The following FBN3 variants were observed in gnomAD, a reference collection of about 807,000 sequenced individuals.
FBN3 encodes fibrillin 3, also known as fibrillin-3.
In FBN3, 234 loss-of-function variants were observed where a neutral mutation model predicts 330.1. The observed-to-expected ratio is 0.71, with a 90% confidence interval of 0.64 to 0.79. The LOEUF (loss-of-function observed/expected upper bound fraction) is 0.79, where lower values mean the gene tolerates loss of function less well. FBN3 is among the 30% of genes least tolerant of loss of function. The pLI is 0.00. For missense variants in FBN3, 3,606 were observed against 3,886.9 expected (o/e 0.93, Z 1.92); for synonymous variants, 1,458 against 1,517.3 (o/e 0.96, Z 0.91).
intron 30 of FBN3, among the ~76,000 whole-genome samples, chr19:8,112,359 C>T (rs1041397653): frequency 6.6e-6 from 1 of 152,102 alleles, no homozygotes; most frequent in Non-Finnish European, 1.5e-5. Flanking sequence ...TTAAGAGTGA[C>T]TGTCCAGCCG....
intron 8 of FBN3, among the ~76,000 whole-genome samples, chr19:8,138,967 T>A (rs1193267062): frequency 6.8e-6 from 1 of 147,902 alleles, no homozygotes; most frequent in Non-Finnish European, 1.5e-5. Context: ...GAATCACTAA[T>A]TGCTTGAACC....
At chr19:8,071,954 T>G in intron 63 of FBN3, 94 bp downstream of exon 63, 1 of 1,298,702 alleles carries the variant, frequency 7.7e-7, no homozygotes, top group South Asian at 1.4e-5. Context: ...TGCTCCTTCT[T>G]GGGGGGGCTG....
intron 13 of FBN3, 136 bp downstream of exon 13, chr19:8,135,825 C>A: frequency 1.1e-6 from 1 of 912,446 alleles, no homozygotes; most frequent in African/African-American, 1.7e-5. Context: ...AGGTGGGCTG[C>A]TGGGTTCAGA....
At chr19:8,079,810 G>A (rs1197725185) in intron 59 of FBN3, among the ~76,000 whole-genome samples, 1 of 151,950 alleles carries the variant, frequency 6.6e-6, no homozygotes, top group East Asian at 1.9e-4. Context: ...GGCTGGTCTC[G>A]AATTCCTGGC....
At chr19:8,104,406 G>C (rs2082394903) in intron 38 of FBN3, among the ~76,000 whole-genome samples, 1 of 150,472 alleles carries the variant, frequency 6.6e-6, no homozygotes. Context: ...AGGAGGTCAA[G>C]ACTACAGCAA....
intron 8 of FBN3, among the ~76,000 whole-genome samples, chr19:8,140,389 C>T (rs754536936): frequency 6.6e-6 from 1 of 152,030 alleles, no homozygotes; most frequent in Non-Finnish European, 1.5e-5. Context: ...ACTTGAACCC[C>T]GGAGGCGGAG....
chr19:8,138,908 G>A (rs2083349787), intron 8 of FBN3, among the ~76,000 whole-genome samples: 1 of 152,154 alleles, frequency 6.6e-6, no homozygotes, highest in Non-Finnish European at 1.5e-5. Flanking sequence ...TTAGCCAAGG[G>A]TGGTGGCAGG....
At chr19:8,117,359 T>C (rs2144868225) in intron 27 of FBN3, 68 bp from the exon 28 acceptor site, 1 of 1,532,682 alleles carries the variant, frequency 6.5e-7, no homozygotes, top group Non-Finnish European at 8.8e-7. Context: ...GGGGGCTGGT[T>C]TGGGGGTGGG....
In FBN3 at chr19:8,096,176, C is replaced by A; in HGVS notation, c.5540-96G>T. 1.0e-6 allele frequency: 1 copy of A among 988,528 alleles called. No homozygotes were observed. Among genetic ancestry groups the A allele is most frequent in the East Asian group, 2.4e-5 (1 of 41,896 alleles). The allele number at this position is 988,528 out of a possible 1,614,324, so 61.2% of individuals were successfully genotyped here. A position where few individuals can be genotyped will look rare whatever the true frequency, so the allele number is the denominator to read the frequency against. On this transcript the variant is annotated intron_variant, in intron 44 of 63. Coordinates refer to ENST00000600128, the MANE Select transcript of FBN3 (RefSeq NM_032447.5). This position sits in a 1 kb window ranked among gnomAD's most constrained non-coding sequence, Gnocchi z 4.6. ...AGCTGGACCTAGCACTCCTCCCCTG[C>A]ACCTAGCCCTGCCTAGATGACTGGG...
At position 8,129,861 on chromosome 19, in the gene FBN3, C is replaced by A. The variant is rs911690357; in HGVS notation, c.2045-496G>T. Among the ~76,000 whole-genome samples the A allele has an allele frequency of 4.0e-5, 6 of 151,324 alleles. No individual in the cohort carries two copies. The highest frequency in any genetic ancestry group is 8.9e-5 in the Non-Finnish European group (6 of 67,778). On this transcript the variant is annotated intron_variant, in intron 16 of 63. Coordinates refer to ENST00000600128, the MANE Select transcript of FBN3 (RefSeq NM_032447.5). This position sits in a 1 kb window ranked among gnomAD's most constrained non-coding sequence, Gnocchi z 4.5. Reference sequence around the variant, plus strand: ...TTGCTTGAGCCCAGGAGTTTGAGACCAGCCTGGGCAACATAGCGAGACCCA... The same window carrying A: ...TTGCTTGAGCCCAGGAGTTTGAGACAAGCCTGGGCAACATAGCGAGACCCA...
At chr19:8,122,213 G>A (rs1345666305) in intron 24 of FBN3, among the ~76,000 whole-genome samples, 1 of 151,988 alleles carries the variant, frequency 6.6e-6, no homozygotes, top group African/African-American at 2.4e-5. Context: ...TGGAGGTCTC[G>A]CTGTGTTACC....
At chr19:8,105,659 C>CA (rs1229889321) in intron 38 of FBN3, among the ~76,000 whole-genome samples, 1 of 152,006 alleles carries the variant, frequency 6.6e-6, no homozygotes, top group East Asian at 1.9e-4. Flanking sequence ...AGCTAGCAGG[C>CA]AAAAATAGGT....
intron 54 of FBN3, 152 bp downstream of exon 54, chr19:8,086,925 C>T: frequency 1.1e-6 from 1 of 933,200 alleles, no homozygotes; most frequent in Admixed American, 3.6e-5. Flanking sequence ...ATTGAAGCCT[C>T]AAATTCCTGG....
intron 6 of FBN3, among the ~76,000 whole-genome samples, chr19:8,142,393 G>A (rs1436162019): frequency 1.3e-5 from 2 of 152,000 alleles, no homozygotes; most frequent in Non-Finnish European, 2.9e-5. Context: ...TAAAGCTCAG[G>A]GCCTGTGTGA....
At chr19:8,113,168 G>T (rs2082628693) in intron 30 of FBN3, among the ~76,000 whole-genome samples, 3 of 152,258 alleles carry the variant, frequency 2.0e-5, no homozygotes. Flanking sequence ...GCTTACACCT[G>T]TAATCCCAAC....
chr19:8,118,032 A>C (rs2082748050), intron 26 of FBN3, among the ~76,000 whole-genome samples: 2 of 151,484 alleles, frequency 1.3e-5, no homozygotes, highest in Non-Finnish European at 2.9e-5. Context: ...AGACACACAA[A>C]CACCCAATGC....
chr19:8,096,886 C>T lies in FBN3; in HGVS notation c.5408G>A (p.Cys1803Tyr). 1 of 1,613,162 alleles carries T rather than the reference C, an allele frequency of 6.2e-7. No homozygotes were observed. The highest frequency in any genetic ancestry group is 1.3e-5 in the African/African-American group (1 of 75,060). The change falls in exon 43 of 64, where the codon TGT becomes TAT. Residue 1803 changes from cysteine to tyrosine, a missense_variant. By Grantham distance (194) the Cys-to-Tyr change is radical. Transcript: ENST00000600128. This position sits in a 1 kb window ranked among gnomAD's most constrained non-coding sequence, Gnocchi z 4.6. ...RGYKLSPGGACVGRNECREIP... is the reference protein window; with the variant it reads ...RGYKLSPGGAYVGRNECREIP... ...CTCCCAGGGACCCTGCTCACCCACA[C>T]AAGCCCCGCCTGGCGACAGTTTGTA...
Position 8,088,088 on chromosome 19 carries a change from A to C in FBN3, c.6468T>G (p.Phe2156Leu). The change falls in exon 52 of 64, where the codon TTT becomes TTG. Residue 2156 changes from phenylalanine (F) to leucine (L), a missense_variant. Physicochemically the swap from Phe to Leu is conservative, Grantham distance 22. Transcript: ENST00000600128. ...CGCAGGTCATCATGAGGCCAGGCTC[A>C]AAGCCGTCAGCACAGGCACATTCGA... ...GGFECACADG[F>L]EPGLMMTCED... is the part of the protein sequence containing the mutation. 1 of 1,614,152 alleles carries C rather than the reference A, an allele frequency of 6.2e-7. No individual in the cohort carries two copies. Among genetic ancestry groups the C allele is most frequent in the Non-Finnish European group, 8.5e-7 (1 of 1,180,040 alleles).
chr19:8,135,936 G>GGGGGGGGGGGGCGGCCCCCCCC, intron 13 of FBN3, 25 bp downstream of exon 13: 1 of 668,776 alleles, frequency 1.5e-6, no homozygotes, highest in Non-Finnish European at 2.4e-6. Context: ...GGAAGCCCCT[G>GGGGGGGGGGGGCGGCCCCCCCC]CCCACCCGCC....
Sources: gnomAD v4.1 joint callset for allele counts (sites outside exome capture counted in the v4.1 genomes callset) on GRCh38, gnomAD v4.1.1 for gene constraint, Gnocchi (gnomAD v3.1) non-coding constraint, MANE v1.5 for transcripts, NCBI Gene and HGNC (gene_info 2026-07-23, HGNC 2026-07-21) for gene names.